Variants in PUM3 observed in about 807,000 individuals in gnomAD.
PUM3 encodes the protein pumilio homolog 3.
Under a neutral mutation model 84.0 loss-of-function variants are expected in PUM3, and 91 were observed. The ratio of observed to expected loss-of-function variants is 1.08; its 90% CI spans 0.91 to 1.29. The LOEUF (loss-of-function observed/expected upper bound fraction) is 1.29, where lower values mean the gene tolerates loss of function less well. Ranked by LOEUF, PUM3 falls within the 50% of genes most tolerant of loss-of-function variation. The pLI, the probability that PUM3 is intolerant of heterozygous loss-of-function variation, is 0.00. For synonymous variants in PUM3, 321 were observed against 266.7 expected (o/e 1.20, Z -1.98); for missense variants, 1,067 against 767.5 (o/e 1.39, Z -4.61).
In PUM3 at chr9:2,831,012, TAACTC is replaced by T. The variant is rs781232160; in HGVS notation, c.622_626del (p.Glu208LysfsTer2). 140 of 1,492,798 alleles carry T rather than the reference TAACTC, an allele frequency of 9.4e-5. No homozygotes were observed. The highest frequency in any genetic ancestry group is 1.7e-4 in the Middle Eastern group (1 of 5,840). The allele number at this position is 1,492,798 out of a possible 1,614,324, so 92.5% of individuals were successfully genotyped here. A position where few individuals can be genotyped will look rare whatever the true frequency, so the allele number is the denominator to read the frequency against. On this transcript the variant is annotated frameshift_variant, in exon 7 of 18. Transcript: ENST00000397885. LOFTEE classifies it high-confidence loss of function. ...TATTTCTCGAATATTTGGCTTTACTTAACTCAACCAAATCATCTGAAAAACAAAAA... is the reference window on the plus strand; with the variant it reads ...TATTTCTCGAATATTTGGCTTTACTTAACCAAATCATCTGAAAAACAAAAA...
chr9:2,840,620 T>C (rs1038952816), intron 1 of PUM3, among the ~76,000 whole-genome samples: 4 of 152,260 alleles, frequency 2.6e-5, no homozygotes, highest in African/African-American at 7.2e-5. Flanking sequence ...CAGATATTTA[T>C]TTCATTCCTT....
intron 10 of PUM3, among the ~76,000 whole-genome samples, chr9:2,825,085 C>A (rs1025743481): frequency 2.0e-5 from 3 of 152,012 alleles, no homozygotes; most frequent in Admixed American, 1.3e-4. Context: ...AAAAAAAGGT[C>A]AAGCTATATG....
At position 2,828,769 on chromosome 9, in the gene PUM3, G is replaced by A. The variant is rs974797274; in HGVS notation, c.862C>T (p.His288Tyr). 6.4e-7 allele frequency: 1 copy of A among 1,570,136 alleles called. No individual in the cohort carries two copies. The highest frequency in any genetic ancestry group is 8.8e-7 in the Non-Finnish European group (1 of 1,140,996). Residue 288 changes from histidine to tyrosine, a missense_variant, in exon 9 of 18, where the codon CAC becomes TAC. Physicochemically the swap from His to Tyr is moderately conservative, Grantham distance 83 (BLOSUM62 2). Coordinates refer to ENST00000397885, the MANE Select transcript of PUM3 (RefSeq NM_014878.5). ...NTFQLYKSAD[H>Y]RTLDKVLEVQ... ...TCTAACACTTTGTCCAGAGTTCGGT[G>A]ATCTGCTGACTGCAACAAAACAAAA...
intron 12 of PUM3, among the ~76,000 whole-genome samples, chr9:2,821,604 C>A (rs1051738648): frequency 1.3e-5 from 2 of 152,058 alleles, no homozygotes; most frequent in Non-Finnish European, 2.9e-5. Flanking sequence ...AAACCTCTGA[C>A]AATAGACTAA....
At chr9:2,843,083 C>T (rs999244600) in intron 1 of PUM3, among the ~76,000 whole-genome samples, 1 of 152,170 alleles carries the variant, frequency 6.6e-6, no homozygotes, top group South Asian at 2.1e-4. Context: ...GAACCAGGGC[C>T]TATTCATGAT....
At chr9:2,804,928 G>A (rs985020506) in intron 17 of PUM3, among the ~76,000 whole-genome samples, 2 of 152,226 alleles carry the variant, frequency 1.3e-5, no homozygotes, top group African/African-American at 4.8e-5. Context: ...CAGAGGCACA[G>A]AGAGGTCAGA....
rs1816156553 is a variant in PUM3, at chr9:2,837,383, G to A, written c.101C>T (p.Thr34Ile). 2 of 1,611,296 alleles carry A rather than the reference G, an allele frequency of 1.2e-6. No homozygotes were observed. The highest frequency in any genetic ancestry group is 1.7e-6 in the Non-Finnish European group (2 of 1,177,986). Residue 34 changes from threonine to isoleucine, a missense_variant, in exon 3 of 18, where the codon ACA (threonine) becomes ATA (isoleucine). Coordinates refer to ENST00000397885, the MANE Select transcript of PUM3 (RefSeq NM_014878.5). ...HKNSDSGSSK[T>I]FPTRKVAKEG... The stretch of plus-strand genomic sequence containing the variant: ...TTTAGCAACTTTCCTTGTTGGAAAT[G>A]TCTTTGAAGAACCAGAATCTAGTGA...
intron 17 of PUM3, among the ~76,000 whole-genome samples, chr9:2,805,989 T>C (rs2129777162): frequency 6.6e-6 from 1 of 152,330 alleles, no homozygotes; most frequent in South Asian, 2.1e-4. Flanking sequence ...AAAACAATTT[T>C]TTTGTATTAT....
chr9:2,817,789 G>A (rs1457478974), intron 13 of PUM3, among the ~76,000 whole-genome samples: 1 of 152,120 alleles, frequency 6.6e-6, no homozygotes, highest in Non-Finnish European at 1.5e-5. Context: ...GAGGCTGGAT[G>A]TTCACTGTAT....
At chr9:2,839,945 TAC>T (rs1448958837) in intron 1 of PUM3, among the ~76,000 whole-genome samples, 10 of 152,246 alleles carry the variant, frequency 6.6e-5, no homozygotes, top group Non-Finnish European at 1.5e-4. Flanking sequence ...TTAACTAAGC[TAC>T]AGAGTTGAGT....
At chr9:2,830,315 T>G (rs1815941536) in intron 7 of PUM3, among the ~76,000 whole-genome samples, 1 of 152,240 alleles carries the variant, frequency 6.6e-6, no homozygotes, top group Non-Finnish European at 1.5e-5. Context: ...GAAAATTTTG[T>G]CAACTGCATA....
intron 1 of PUM3, among the ~76,000 whole-genome samples, chr9:2,842,014 C>T (rs1358136781): frequency 1.3e-5 from 2 of 152,184 alleles, no homozygotes; most frequent in Non-Finnish European, 2.9e-5. Flanking sequence ...TTCCCTCTTT[C>T]CTGACTGCCA....
intron 17 of PUM3, among the ~76,000 whole-genome samples, chr9:2,804,761 G>C (rs1821226490): frequency 1.3e-5 from 2 of 152,210 alleles, no homozygotes; most frequent in Non-Finnish European, 2.9e-5. Flanking sequence ...CTTACATCCT[G>C]TCTTAAAATG....
chr9:2,818,032 T>C (rs1227227684), intron 13 of PUM3, among the ~76,000 whole-genome samples: 2 of 152,252 alleles, frequency 1.3e-5, no homozygotes, highest in African/African-American at 4.8e-5. Context: ...AGAGCTCAGC[T>C]GACCAGGCTG....
chr9:2,815,593 A>G (rs1281311623), intron 13 of PUM3, among the ~76,000 whole-genome samples: 1 of 152,234 alleles, frequency 6.6e-6, no homozygotes, highest in African/African-American at 2.4e-5. Context: ...TGCCTAACTC[A>G]TGGGCTACTA....
At chr9:2,842,654 C>T (rs1816295857) in intron 1 of PUM3, among the ~76,000 whole-genome samples, 1 of 152,128 alleles carries the variant, frequency 6.6e-6, no homozygotes, top group Non-Finnish European at 1.5e-5. Flanking sequence ...CTCATCCAAT[C>T]TCCTGGCTTT....
Position 2,804,446 on chromosome 9 carries a change from T to C in PUM3, c.1832A>G (p.Asp611Gly). The change falls in exon 18 of 18, where the codon GAC becomes GGC. Residue 611 changes from aspartate (D) to glycine (G), a missense_variant. Coordinates refer to ENST00000397885, the MANE Select transcript of PUM3 (RefSeq NM_014878.5). ...TTTGACTTTGTTTGCAACTTCCAGG[T>C]CACAACTCTGGAGGAGGCTGAAGAG... The part of the protein sequence containing the change: ...IILSSLLQSC[D>G]LEVANKVKAA... The C allele has an allele frequency of 6.2e-7, 1 of 1,613,898 alleles. No homozygotes were observed. Among genetic ancestry groups the C allele is most frequent in the Non-Finnish European group, 8.5e-7 (1 of 1,179,940 alleles).
At chr9:2,840,726 C>G (rs898770153) in intron 1 of PUM3, among the ~76,000 whole-genome samples, 2 of 152,196 alleles carry the variant, frequency 1.3e-5, no homozygotes, top group African/African-American at 4.8e-5. Flanking sequence ...CCTTTTGACG[C>G]GGCCCAACTG....
Position 2,831,237 on chromosome 9 carries a change from T to C in PUM3, c.610+14A>G. 1 of 1,476,908 alleles carries C rather than the reference T, an allele frequency of 6.8e-7. No homozygotes were observed. The highest frequency in any genetic ancestry group is 9.4e-7 in the Non-Finnish European group (1 of 1,060,936). 91.5% of individuals were successfully genotyped at this position (1,476,908 alleles called of 1,614,324 possible). On this transcript the variant is annotated intron_variant, in intron 6 of 17. Coordinates refer to ENST00000397885, the MANE Select transcript of PUM3 (RefSeq NM_014878.5). ...TTGCAAATGATAACATAATCTTTAG[T>C]ATGTAATAAATACCTCGCAATTCTT...
Sources: gnomAD v4.1 joint callset for allele counts (sites outside exome capture counted in the v4.1 genomes callset) on GRCh38, gnomAD v4.1.1 for gene constraint, MANE v1.5 for transcripts, NCBI Gene and HGNC (gene_info 2026-07-23, HGNC 2026-07-21) for gene names.